Variants in CENPH observed in about 807,000 individuals in gnomAD.
CENPH encodes CENP-H.
In CENPH, 40 loss-of-function variants were observed where a neutral mutation model predicts 42.9. The observed-to-expected ratio is 0.93, with a 90% confidence interval of 0.72 to 1.21. The LOEUF (loss-of-function observed/expected upper bound fraction) is 1.21, where lower values mean the gene tolerates loss of function less well. Ranked by LOEUF, CENPH falls within the 50% of genes most tolerant of loss-of-function variation. The pLI is 0.00. For synonymous variants in CENPH, 88 were observed against 96.5 expected (o/e 0.91, Z 0.52); for missense variants, 302 against 292.9 (o/e 1.03, Z -0.23).
chr5:69,199,616 C>T (rs1273313411), intron 5 of CENPH, among the ~76,000 whole-genome samples: 1 of 152,134 alleles, frequency 6.6e-6, no homozygotes, highest in Non-Finnish European at 1.5e-5. Flanking sequence ...GTCTTATTGT[C>T]TAGAGGGTGT....
rs1311173428 is a variant in CENPH at position 69,194,835 on chromosome 5, C to T, written c.239+140C>T. The T allele has an allele frequency of 1.6e-5, 8 of 503,214 alleles. No homozygotes were observed. In the Admixed American group the frequency reaches 2.1e-4, roughly 13 times the overall value. 31.2% of individuals were successfully genotyped at this position (503,214 alleles called of 1,614,324 possible). On this transcript the variant is annotated intron_variant, in intron 3 of 8. Transcript: ENST00000283006. ...GATCATAGTTCATTGAAGCCACAAC[C>T]TCCTGGGCTCAAGGGATCCACTGGC...
At position 69,202,965 on chromosome 5, in the gene CENPH, G is replaced by C; in HGVS notation, c.482G>C (p.Arg161Thr). 6.3e-7 allele frequency: 1 copy of C among 1,587,182 alleles called. No individual in the cohort carries two copies. The highest frequency in any genetic ancestry group is 8.6e-7 in the Non-Finnish European group (1 of 1,161,418). Residue 161 changes from arginine to threonine, a missense_variant, in exon 7 of 9, where the codon AGA becomes ACA. Arg to Thr is a moderately conservative substitution (Grantham distance 71, BLOSUM62 -1). Coordinates refer to ENST00000283006, the MANE Select transcript of CENPH (RefSeq NM_022909.4). ...AAACTGCTTGATATTAGAAAGAAGA[G>C]ATTGCGTATGTAGAACACTTTTTTT... ...EEKLLDIRKK[R>T]LQLKQASESK... is the part of the protein sequence containing the mutation.
intron 5 of CENPH, among the ~76,000 whole-genome samples, chr5:69,197,811 A>C (rs1409009326): frequency 2.6e-5 from 4 of 151,228 alleles, no homozygotes; most frequent in African/African-American, 2.4e-5. Context: ...ATAATAATAA[A>C]ATTTTTTAAA....
chr5:69,191,848 C>G lies in CENPH; in HGVS notation c.188C>G (p.Ala63Gly). 6.6e-7 allele frequency: 1 copy of G among 1,513,566 alleles called. No individual in the cohort carries two copies. Among genetic ancestry groups the G allele is most frequent in the Non-Finnish European group, 9.2e-7 (1 of 1,091,018 alleles). The allele number at this position is 1,513,566 out of a possible 1,614,324, so 93.8% of individuals were successfully genotyped here. The change falls in exon 2 of 9, where the codon GCA becomes GGA. Residue 63 changes from alanine to glycine, a missense_variant and splice_region_variant. Transcript: ENST00000283006. Reference protein sequence around the residue: ...QLLEYKSMVDASEEKTPEQIM... With the variant: ...QLLEYKSMVDGSEEKTPEQIM... ...TTAGAATATAAATCAATGGTTGATG[C>G]AAGTAAGTATTTTCATTTTCAAATT...
intron 5 of CENPH, chr5:69,197,358 G>C: frequency 2.9e-6 from 1 of 342,208 alleles, no homozygotes; most frequent in Non-Finnish European, 5.2e-6. Context: ...TTAAGGGAAA[G>C]CTTTAAAAGT....
At chr5:69,194,167 G>GT (rs957378074) in intron 2 of CENPH, among the ~76,000 whole-genome samples, 168 of 145,784 alleles carry the variant, frequency 1.2e-3, no homozygotes, top group Admixed American at 2.4e-3. Flanking sequence ...GTTGGTTGAT[G>GT]TTTTTTTTTT....
intron 7 of CENPH, among the ~76,000 whole-genome samples, chr5:69,204,754 A>T (rs1374294022): frequency 6.7e-6 from 1 of 150,152 alleles, no homozygotes; most frequent in Non-Finnish European, 1.5e-5. Flanking sequence ...ACATGCGCCA[A>T]CCAGCATGCC....
intron 5 of CENPH, among the ~76,000 whole-genome samples, chr5:69,202,196 T>A (rs1304781554): frequency 6.6e-6 from 1 of 152,242 alleles, no homozygotes; most frequent in Non-Finnish European, 1.5e-5. Context: ...AGCAGCTTGT[T>A]AGGAAGTTAT....
At chr5:69,205,782 C>T (rs1006721667) in intron 7 of CENPH, among the ~76,000 whole-genome samples, 3 of 138,958 alleles carry the variant, frequency 2.2e-5, no homozygotes, top group Admixed American at 1.6e-4. Context: ...TATCTCAGCT[C>T]ACTGCAAGCT....
chr5:69,197,338 T>C, intron 5 of CENPH: 1 of 370,138 alleles, frequency 2.7e-6, no homozygotes, highest in East Asian at 4.1e-5. Context: ...ATCCAGAAGA[T>C]TGGAAAATTT....
At chr5:69,203,048 T>C (rs1748083329) in intron 7 of CENPH, 78 bp downstream of exon 7, 11 of 972,928 alleles carry the variant, frequency 1.1e-5, no homozygotes, top group Non-Finnish European at 1.7e-5. Flanking sequence ...TCTTAGCCAC[T>C]GAGAAATTTC....
In CENPH at chr5:69,203,100, G is replaced by A. The variant is rs937750926; in HGVS notation, c.487+130G>A. 6.0e-6 allele frequency: 4 copies of A among 671,342 alleles called. No homozygotes were observed. The Admixed American group carries it at 9.6e-5, about 16-fold the overall frequency. 41.6% of individuals were successfully genotyped at this position (671,342 alleles called of 1,614,324 possible). On this transcript the variant is annotated intron_variant, in intron 7 of 8. Transcript: ENST00000283006. ...AAAATTCCTTAAAATTTTTGACATG[G>A]CAACTTAAAAAGTGATATAAAGTAC...
At chr5:69,199,888 G>A (rs1014929667) in intron 5 of CENPH, among the ~76,000 whole-genome samples, 2 of 152,012 alleles carry the variant, frequency 1.3e-5, no homozygotes, top group African/African-American at 2.4e-5. Context: ...CGAGGCAGGC[G>A]GATCGTCTGA....
In CENPH at chr5:69,195,881, G is replaced by A. The variant is rs1580224837; in HGVS notation, c.314+90G>A. 13 of 612,344 alleles carry A rather than the reference G, an allele frequency of 2.1e-5. No homozygotes were observed. The East Asian group carries it at 4.1e-4, about 19-fold the overall frequency. The allele number at this position is 612,344 out of a possible 1,614,324, so 37.9% of individuals were successfully genotyped here. A position where few individuals can be genotyped will look rare whatever the true frequency, so the allele number is the denominator to read the frequency against. ...GGAGGGAATCTTTTAACTGGGCTGA[G>A]TGAATTAGTCAAGCACAGTGATGAT... is the stretch of plus-strand genomic sequence containing the variant. On this transcript the variant is annotated intron_variant, in intron 4 of 8. Transcript: ENST00000283006.
intron 5 of CENPH, 28 bp downstream of exon 5, chr5:69,197,137 G>GT (rs1486921592): frequency 2.2e-5 from 31 of 1,430,154 alleles, no homozygotes; most frequent in Non-Finnish European, 2.8e-5. Flanking sequence ...TCTGGATTCG[G>GT]TAAGGATGGG....
intron 7 of CENPH, among the ~76,000 whole-genome samples, chr5:69,204,762 G>T (rs781338694): frequency 1.3e-5 from 2 of 151,032 alleles, no homozygotes; most frequent in Non-Finnish European, 2.9e-5. Flanking sequence ...CAACCAGCAT[G>T]CCTGGCTAAT....
In CENPH at chr5:69,197,118, T is replaced by A. The variant is rs778003563; in HGVS notation, c.371+9T>A. On this transcript the variant is annotated intron_variant, in intron 5 of 8. Transcript: ENST00000283006. ...ATTAGCAGACAGTCTAGGTATGATT[T>A]TTTTTTTCTCTGGATTCGGTAAGGA... The A allele has an allele frequency of 6.5e-7, 1 of 1,541,830 alleles. No individual in the cohort carries two copies. Among genetic ancestry groups the A allele is most frequent in the South Asian group, 1.3e-5 (1 of 78,994 alleles).
At chr5:69,206,796 G>A (rs1260286321) in intron 7 of CENPH, among the ~76,000 whole-genome samples, 1 of 152,276 alleles carries the variant, frequency 6.6e-6, no homozygotes, top group African/African-American at 2.4e-5. Flanking sequence ...ACCCTGCTCA[G>A]ATTTGTCATT....
intron 1 of CENPH, among the ~76,000 whole-genome samples, chr5:69,191,443 C>T (rs1054244564): frequency 6.6e-5 from 10 of 152,030 alleles, no homozygotes; most frequent in African/African-American, 2.2e-4. Context: ...ACCCGGGAGG[C>T]GGAGCTTGTG....
Sources: gnomAD v4.1 joint callset for allele counts (sites outside exome capture counted in the v4.1 genomes callset) on GRCh38, gnomAD v4.1.1 for gene constraint, MANE v1.5 for transcripts, NCBI Gene and HGNC (gene_info 2026-07-23, HGNC 2026-07-21) for gene names.